CDH13: variants seen among roughly 807,000 people sequenced by gnomAD.
The protein encoded by CDH13 is cadherin 13.
Under a neutral mutation model 63.8 loss-of-function variants are expected in CDH13, and 24 were observed. The ratio of observed to expected loss-of-function variants is 0.38; its 90% CI spans 0.27 to 0.53. The LOEUF (loss-of-function observed/expected upper bound fraction) is 0.53, where lower values mean the gene tolerates loss of function less well. CDH13 is among the 20% of genes least tolerant of loss of function. CDH13 has a pLI of 0.85. For synonymous variants in CDH13, 503 were observed against 355.3 expected (o/e 1.42, Z -4.67); for missense variants, 1,049 against 903.1 (o/e 1.16, Z -2.07).
intron 1 of CDH13, among the ~76,000 whole-genome samples, chr16:82,775,332 C>G (rs574480628): frequency 6.6e-6 from 1 of 152,156 alleles, no homozygotes; most frequent in African/African-American, 2.4e-5. Flanking sequence ...TTTGAATAGT[C>G]ACGTGTGGAT....
rs1207586637 is a variant in CDH13, at chr16:83,800,370, A to G, written c.*5340A>G. ...TCTGTGTTGTCATGCACATGTCAAC[A>G]CTGTCCTGATGACAAAATTTTATGT... is the stretch of plus-strand genomic sequence containing the variant. On this transcript the variant is annotated 3_prime_UTR_variant, in exon 14 of 14. Transcript: ENST00000567109. 6.6e-6 allele frequency: 1 copy of G among 152,226 alleles called. No individual in the cohort carries two copies. Among genetic ancestry groups the G allele is most frequent in the African/African-American group, 2.4e-5 (1 of 41,456 alleles). 9.4% of individuals were successfully genotyped at this position (152,226 alleles called of 1,614,324 possible).
intron 7 of CDH13, among the ~76,000 whole-genome samples, chr16:83,568,482 A>G (rs1904309359): frequency 6.6e-6 from 1 of 152,150 alleles, no homozygotes; most frequent in Admixed American, 6.5e-5. Context: ...GTTATTGATG[A>G]ATCATTGTTT....
intron 1 of CDH13, among the ~76,000 whole-genome samples, chr16:82,793,949 T>G (rs187416486): frequency 2.2e-3 from 332 of 152,060 alleles, no homozygotes; most frequent in African/African-American, 7.9e-3. Context: ...AAGGCCAGGC[T>G]TTTACTGGGT....
intron 1 of CDH13, among the ~76,000 whole-genome samples, chr16:82,637,026 A>C (rs1908740909): frequency 6.6e-6 from 1 of 152,218 alleles, no homozygotes; most frequent in African/African-American, 2.4e-5. Context: ...TTGGAGGTTC[A>C]AGTGAGTAAA....
At chr16:82,720,188 G>T (rs894500014) in intron 1 of CDH13, among the ~76,000 whole-genome samples, 3 of 152,084 alleles carry the variant, frequency 2.0e-5, no homozygotes, top group Non-Finnish European at 4.4e-5. Context: ...GTGGTGGTGG[G>T]TTAAATCAAG....
intron 5 of CDH13, among the ~76,000 whole-genome samples, chr16:83,314,995 C>G: frequency 6.6e-6 from 1 of 152,186 alleles, no homozygotes; most frequent in East Asian, 1.9e-4. Context: ...AGTTTGAATC[C>G]TGGCTCCACC....
At chr16:82,942,188 T>C (rs1904295815) in intron 2 of CDH13, among the ~76,000 whole-genome samples, 1 of 152,166 alleles carries the variant, frequency 6.6e-6, no homozygotes, top group Non-Finnish European at 1.5e-5. Flanking sequence ...TGATTAATTT[T>C]CATCTTAAGT....
At chr16:83,275,453 G>A (rs566066184) in intron 5 of CDH13, among the ~76,000 whole-genome samples, 1 of 152,192 alleles carries the variant, frequency 6.6e-6, no homozygotes, top group African/African-American at 2.4e-5. Flanking sequence ...GAGTAAAGAA[G>A]ACAGCACTGA....
chr16:83,627,549 T>C (rs1003493026), intron 8 of CDH13, among the ~76,000 whole-genome samples: 3 of 152,136 alleles, frequency 2.0e-5, no homozygotes, highest in African/African-American at 7.2e-5. Context: ...TTATTTTGTT[T>C]TTCATTTTGT....
At chr16:83,489,106 C>T (rs899647125) in intron 7 of CDH13, among the ~76,000 whole-genome samples, 1 of 152,138 alleles carries the variant, frequency 6.6e-6, no homozygotes, top group African/African-American at 2.4e-5. Context: ...AAAGATGAAG[C>T]ATGGTGATTT....
At chr16:83,744,170 A>G (rs1912342006) in intron 10 of CDH13, among the ~76,000 whole-genome samples, 1 of 152,118 alleles carries the variant, frequency 6.6e-6, no homozygotes, top group African/African-American at 2.4e-5. Context: ...ACTTTTACCT[A>G]TCCTGACACC....
intron 1 of CDH13, among the ~76,000 whole-genome samples, chr16:82,729,003 C>G (rs2033253215): frequency 2.0e-5 from 3 of 152,188 alleles, no homozygotes; most frequent in Non-Finnish European, 4.4e-5. Flanking sequence ...AACTCCTCAT[C>G]TGTTCAAGTT....
chr16:83,006,356 A>C (rs182126998), intron 2 of CDH13, among the ~76,000 whole-genome samples: 3 of 152,214 alleles, frequency 2.0e-5, no homozygotes, highest in African/African-American at 7.2e-5. Context: ...GTGCATCTGA[A>C]AAAACGTTCA....
intron 6 of CDH13, among the ~76,000 whole-genome samples, chr16:83,350,017 G>C (rs1473070934): frequency 1.3e-5 from 2 of 152,168 alleles, no homozygotes; most frequent in Non-Finnish European, 1.5e-5. Flanking sequence ...CTAAGGGGCA[G>C]GTAGCTAGAA....
At chr16:83,145,339 A>T (rs779557930) in intron 4 of CDH13, among the ~76,000 whole-genome samples, 5 of 152,218 alleles carry the variant, frequency 3.3e-5, no homozygotes, top group Non-Finnish European at 7.3e-5. Flanking sequence ...CCCAACAGTT[A>T]TGACTCTGCC....
chr16:83,385,044 C>G (rs1280721738), intron 6 of CDH13, among the ~76,000 whole-genome samples: 2 of 152,152 alleles, frequency 1.3e-5, no homozygotes, highest in Non-Finnish European at 2.9e-5. Context: ...CACAGGTGGC[C>G]CCTACTGTCT....
chr16:83,144,477 C>G (rs1285865243), intron 4 of CDH13, among the ~76,000 whole-genome samples: 1 of 152,208 alleles, frequency 6.6e-6, no homozygotes, highest in Non-Finnish European at 1.5e-5. Flanking sequence ...AACACATGAT[C>G]AGCAATACAT....
intron 6 of CDH13, among the ~76,000 whole-genome samples, chr16:83,414,001 A>AC (rs145064427): frequency 0.038 from 5,734 of 152,248 alleles, 123 homozygotes; most frequent in East Asian, 0.12. Context: ...CTCAAAAAAA[A>AC]CAAAAATACT....
intron 6 of CDH13, among the ~76,000 whole-genome samples, chr16:83,463,123 T>C (rs538336712): frequency 6.6e-6 from 1 of 152,216 alleles, no homozygotes; most frequent in South Asian, 2.1e-4. Context: ...TAATGAAAGA[T>C]GAGCAGAAAT....
Sources: allele counts gnomAD v4.1 joint callset (sites outside exome capture counted in the v4.1 genomes callset), GRCh38; gene constraint gnomAD v4.1.1; transcripts MANE v1.5; gene names NCBI Gene and HGNC (gene_info 2026-07-23, HGNC 2026-07-21).